The following CNTN6 variants were observed in gnomAD, a reference collection of about 807,000 sequenced individuals.
The protein encoded by CNTN6 is contactin 6, also known as contactin-6.
A neutral mutation model predicts 122.8 loss-of-function variants in CNTN6; 137 were observed. The ratio of observed to expected loss-of-function variants is 1.12; its 90% confidence interval spans 0.97 to 1.29. The LOEUF is 1.29. CNTN6 is among the 50% of genes most tolerant of loss of function. The pLI, the probability that CNTN6 is intolerant of heterozygous loss-of-function variation, is 0.00. For synonymous variants in CNTN6, 570 were observed against 426.0 expected (o/e 1.34, Z -4.16); for missense variants, 1,634 against 1,223.4 (o/e 1.34, Z -5.01).
chr3:1,357,632 TGTACATATTAAAAAATGCATGA>T (rs1419882958), intron 12 of CNTN6, among the ~76,000 whole-genome samples: 1 of 151,902 alleles, frequency 6.6e-6, no homozygotes, highest in African/African-American at 2.4e-5. Context: ...TTCCAACAAA[TGTACATATTAAAAAATGCATGA>T]GACAATTTTA....
intron 1 of CNTN6, among the ~76,000 whole-genome samples, chr3:1,118,766 C>T (rs2091830197): frequency 6.6e-6 from 1 of 152,050 alleles, no homozygotes; most frequent in South Asian, 2.1e-4. Flanking sequence ...CAGCAGACAT[C>T]TGAGAGATAA....
chr3:1,185,887 T>C (rs1268681848), intron 2 of CNTN6, among the ~76,000 whole-genome samples: 3 of 152,190 alleles, frequency 2.0e-5, no homozygotes, highest in African/African-American at 7.2e-5. Flanking sequence ...TAAAAGATCA[T>C]TGTAAATTAT....
chr3:1,368,944 T>C (rs1708603111), intron 12 of CNTN6, among the ~76,000 whole-genome samples: 1 of 152,186 alleles, frequency 6.6e-6, no homozygotes, highest in South Asian at 2.1e-4. Context: ...TAGCTGACCT[T>C]AATGACGTTT....
intron 4 of CNTN6, among the ~76,000 whole-genome samples, chr3:1,259,267 AG>A (rs1297533722): frequency 1.3e-5 from 2 of 152,150 alleles, no homozygotes; most frequent in East Asian, 3.9e-4. Context: ...AGACAGAACA[AG>A]TAATTTACTA....
rs143231784 is a variant in CNTN6, at chr3:1,195,572, T to C, written c.56-25115T>C. On this transcript the variant is annotated intron_variant, in intron 2 of 22. Coordinates refer to ENST00000446702, the MANE Select transcript of CNTN6 (RefSeq NM_001289080.2). ...TCTTTTTACTTTTACTTTTCTTTTC[T>C]GGGTCTATACAGACATCTTTATAGT... is the stretch of plus-strand genomic sequence containing the variant. Among the ~76,000 whole-genome samples the C allele has an allele frequency of 2.2e-3, 332 of 152,348 alleles. 2 individuals are homozygous for C. Among genetic ancestry groups the C allele is most frequent in the African/African-American group, 7.5e-3 (310 of 41,582 alleles).
intron 2 of CNTN6, among the ~76,000 whole-genome samples, chr3:1,214,301 CTTTTTTT>C (rs34799447): frequency 1.6e-4 from 7 of 44,034 alleles, no homozygotes; most frequent in African/African-American, 5.0e-4. Flanking sequence ...TGTTGGATGT[CTTTTTTT>C]TTTTTTTTTT....
At chr3:1,370,125 G>T (rs1396674741) in intron 12 of CNTN6, among the ~76,000 whole-genome samples, 9 of 150,710 alleles carry the variant, frequency 6.0e-5, no homozygotes, top group Non-Finnish European at 1.3e-4. Context: ...AATCCAATAA[G>T]ATCCAAAAAA....
intron 4 of CNTN6, among the ~76,000 whole-genome samples, chr3:1,273,639 T>G (rs1035712239): frequency 6.6e-6 from 1 of 152,236 alleles, no homozygotes. Context: ...TGTGTGCTAT[T>G]AAACAGTTTT....
intron 20 of CNTN6, among the ~76,000 whole-genome samples, chr3:1,386,932 A>G (rs1285229685): frequency 6.6e-6 from 1 of 151,870 alleles, no homozygotes; most frequent in African/African-American, 2.4e-5. Context: ...GTCATGTCCA[A>G]AAGAAGTTAG....
At chr3:1,241,526 A>G (rs1404748481) in intron 4 of CNTN6, among the ~76,000 whole-genome samples, 2 of 152,190 alleles carry the variant, frequency 1.3e-5, no homozygotes, top group African/African-American at 2.4e-5. Flanking sequence ...TAAACGGAAG[A>G]TACAAGGTCC....
intron 1 of CNTN6, among the ~76,000 whole-genome samples, chr3:1,114,850 T>C (rs1362384547): frequency 5.3e-5 from 8 of 152,138 alleles, no homozygotes. Flanking sequence ...ACTAAAGTGC[T>C]TTCAAAGGAG....
At chr3:1,111,321 G>T (rs1574883331) in intron 1 of CNTN6, among the ~76,000 whole-genome samples, 1 of 152,246 alleles carries the variant, frequency 6.6e-6, no homozygotes, top group African/African-American at 2.4e-5. Flanking sequence ...ACCATCAATT[G>T]ATATAGTTTC....
chr3:1,253,748 A>G (rs917819358), intron 4 of CNTN6, among the ~76,000 whole-genome samples: 2 of 152,142 alleles, frequency 1.3e-5, no homozygotes, highest in Non-Finnish European at 2.9e-5. Context: ...GACAGGAGGC[A>G]GAATTCAGGC....
chr3:1,244,006 C>A (rs1211188461), intron 4 of CNTN6, among the ~76,000 whole-genome samples: 2 of 152,030 alleles, frequency 1.3e-5, no homozygotes, highest in Non-Finnish European at 2.9e-5. Flanking sequence ...AATGCCTGGA[C>A]GTAAGGCACC....
intron 7 of CNTN6, among the ~76,000 whole-genome samples, chr3:1,305,501 C>T (rs1698208363): frequency 6.6e-6 from 1 of 151,810 alleles, no homozygotes; most frequent in African/African-American, 2.4e-5. Flanking sequence ...TGTGAAATAC[C>T]CTGAGAAGCT....
At chr3:1,158,981 T>C (rs2125234433) in intron 2 of CNTN6, among the ~76,000 whole-genome samples, 1 of 144,138 alleles carries the variant, frequency 6.9e-6, no homozygotes, top group Middle Eastern at 3.5e-3. Context: ...TATATATATA[T>C]ATAGACAAGG....
At chr3:1,268,250 A>C (rs2094957859) in intron 4 of CNTN6, among the ~76,000 whole-genome samples, 2 of 152,180 alleles carry the variant, frequency 1.3e-5, no homozygotes, top group Admixed American at 6.5e-5. Flanking sequence ...CTTCCTAGGC[A>C]GTGAGGGTCA....
intron 1 of CNTN6, chr3:1,128,321 T>A (rs1250367553): frequency 6.6e-6 from 1 of 151,974 alleles, no homozygotes; most frequent in Non-Finnish European, 1.5e-5. Flanking sequence ...GAGGATGACA[T>A]GTGAGGCCAA....
chr3:1,385,757 G>A lies in CNTN6; in HGVS notation c.2664G>A (p.Gly888=), dbSNP rs142948598. 6.4e-4 allele frequency: 1,037 copies of A among 1,613,122 alleles called. 5 individuals carry two copies. In the African/African-American group the frequency reaches 0.011, roughly 18 times the overall value. The part of the protein sequence containing the change: ...SVRAYNTAGT[G]PSSPPVNVTT... ...GAGCTTACAACACTGCTGGGACAGG[G>A]CCCTCAAGCCCCCCAGTCAATGTTA... The change falls in exon 20 of 23, where the codon GGG becomes GGA. Residue 888 remains glycine (G), a synonymous_variant. Transcript: ENST00000446702.
Sources: allele counts gnomAD v4.1 joint callset (sites outside exome capture counted in the v4.1 genomes callset), GRCh38; gene constraint gnomAD v4.1.1; transcripts MANE v1.5; gene names NCBI Gene and HGNC (gene_info 2026-07-23, HGNC 2026-07-21).